The following CPNE8 variants were observed in gnomAD, a reference collection of about 807,000 sequenced individuals.
CPNE8 encodes copine 8, also known as copine-8.
Under a neutral mutation model 81.5 loss-of-function variants are expected in CPNE8, and 45 were observed. The observed-to-expected ratio is 0.55, with a 90% CI of 0.44 to 0.71. CPNE8 has a LOEUF of 0.71. CPNE8 is among the 30% of genes least tolerant of loss of function. The pLI is 0.00. For missense variants in CPNE8, 594 were observed against 672.1 expected (o/e 0.88, Z 1.28); for synonymous variants, 252 against 226.3 (o/e 1.11, Z -1.02).
intron 10 of CPNE8, among the ~76,000 whole-genome samples, chr12:38,738,094 A>G (rs565920279): frequency 1.3e-5 from 2 of 152,172 alleles, no homozygotes; most frequent in African/African-American, 4.8e-5. Flanking sequence ...ACCAGTTTCC[A>G]TGCTTTCTTT....
At chr12:38,808,248 A>G (rs1942860393) in intron 6 of CPNE8, among the ~76,000 whole-genome samples, 2 of 152,288 alleles carry the variant, frequency 1.3e-5, no homozygotes, top group South Asian at 2.1e-4. Context: ...CCATCCTATT[A>G]CTGGTTATAT....
intron 7 of CPNE8, among the ~76,000 whole-genome samples, chr12:38,772,125 C>T (rs575721625): frequency 6.6e-5 from 10 of 152,250 alleles, no homozygotes; most frequent in African/African-American, 2.4e-4. Context: ...TAGGGTGCCC[C>T]TCAGGTGTCC....
chr12:38,897,205 A>G (rs1944400269), intron 1 of CPNE8, among the ~76,000 whole-genome samples: 1 of 152,120 alleles, frequency 6.6e-6, no homozygotes, highest in South Asian at 2.1e-4. Flanking sequence ...CAACATTCTT[A>G]TGGTAATAAA....
At chr12:38,689,350 G>A (rs963284520) in intron 15 of CPNE8, among the ~76,000 whole-genome samples, 3 of 152,184 alleles carry the variant, frequency 2.0e-5, no homozygotes, top group Non-Finnish European at 2.9e-5. Flanking sequence ...TGCTGAGGGT[G>A]TGGATTCATC....
At chr12:38,717,459 A>ATATATATATATAT (rs1565581515) in intron 13 of CPNE8, among the ~76,000 whole-genome samples, 2 of 140,098 alleles carry the variant, frequency 1.4e-5, no homozygotes, top group Non-Finnish European at 3.1e-5. Context: ...ATATATATAT[A>ATATATATATATAT]CACCATGGAA....
chr12:38,899,861 T>G (rs546602136), intron 1 of CPNE8, among the ~76,000 whole-genome samples: 5 of 152,124 alleles, frequency 3.3e-5, no homozygotes, highest in African/African-American at 1.2e-4. Flanking sequence ...CTATGGCTTA[T>G]TTCAAGCTGC....
chr12:38,703,439 C>T (rs1424120936), intron 13 of CPNE8, among the ~76,000 whole-genome samples: 1 of 152,082 alleles, frequency 6.6e-6, no homozygotes, highest in Non-Finnish European at 1.5e-5. Context: ...AGAAGCTAGG[C>T]ATTGAAGGAA....
intron 13 of CPNE8, among the ~76,000 whole-genome samples, chr12:38,707,021 GA>G (rs1940124828): frequency 1.3e-5 from 2 of 152,130 alleles, no homozygotes; most frequent in Admixed American, 6.6e-5. Flanking sequence ...TTAAAAAGAA[GA>G]AGAGAGCAGA....
At chr12:38,855,807 T>C (rs2137070796) in intron 3 of CPNE8, among the ~76,000 whole-genome samples, 1 of 152,204 alleles carries the variant, frequency 6.6e-6, no homozygotes, top group South Asian at 2.1e-4. Context: ...AATGTAAACA[T>C]ATAAAATATC....
chr12:38,663,405 G>A (rs1379245178), intron 19 of CPNE8, among the ~76,000 whole-genome samples: 2 of 152,002 alleles, frequency 1.3e-5, no homozygotes, highest in South Asian at 4.2e-4. Context: ...ATGAGAAAAT[G>A]CTGAAAAATC....
At chr12:38,776,882 CT>C (rs1301377376) in intron 6 of CPNE8, among the ~76,000 whole-genome samples, 1 of 152,106 alleles carries the variant, frequency 6.6e-6, no homozygotes, top group Non-Finnish European at 1.5e-5. Context: ...GCAAACAAAT[CT>C]ACTGTGCTGC....
In CPNE8 at chr12:38,798,369, G is replaced by C. The variant is rs1451475550; in HGVS notation, c.408-22068C>G. ...TGATCTCTCCGCAGAAACTCTACAA[G>C]CCAGAAGACAGTGGGGGCCAATATT... On this transcript the variant is annotated intron_variant, in intron 6 of 19. Transcript: ENST00000331366. 3.3e-5 allele frequency among the ~76,000 whole-genome samples: 5 copies of C among 152,254 alleles called. 1 individual carries two copies. In the East Asian group the frequency reaches 7.7e-4, roughly 24 times the overall value.
chr12:38,780,813 C>G (rs905785445), intron 6 of CPNE8, among the ~76,000 whole-genome samples: 6 of 151,832 alleles, frequency 4.0e-5, no homozygotes, highest in African/African-American at 1.4e-4. Context: ...AGAAATAATG[C>G]ATTTATATTC....
chr12:38,720,015 T>C (rs1444372569), intron 13 of CPNE8, among the ~76,000 whole-genome samples: 1 of 151,978 alleles, frequency 6.6e-6, no homozygotes, highest in Non-Finnish European at 1.5e-5. Context: ...TGAGACAGAG[T>C]CTTGCTGTCG....
intron 1 of CPNE8, among the ~76,000 whole-genome samples, chr12:38,889,947 TA>T (rs1565664484): frequency 2.0e-5 from 3 of 152,200 alleles, no homozygotes; most frequent in African/African-American, 7.2e-5. Context: ...GGAGTGCCCA[TA>T]AGTAGTTCGC....
chr12:38,799,545 C>T (rs570282638), intron 6 of CPNE8, among the ~76,000 whole-genome samples: 2 of 152,124 alleles, frequency 1.3e-5, no homozygotes, highest in East Asian at 3.9e-4. Flanking sequence ...GCATTCAAAG[C>T]AGTGTGTAGA....
chr12:38,768,718 G>T (rs1048255364), intron 7 of CPNE8, among the ~76,000 whole-genome samples: 11 of 151,630 alleles, frequency 7.3e-5, no homozygotes, highest in African/African-American at 4.8e-5. Context: ...TAGCAGAGAC[G>T]GGGTTTCACC....
intron 3 of CPNE8, among the ~76,000 whole-genome samples, chr12:38,867,341 A>T (rs202117834): frequency 0.042 from 3,519 of 82,868 alleles, 32 homozygotes; most frequent in Middle Eastern, 0.1. Context: ...TGTGTGTGTG[A>T]GAGAGAGAGA....
intron 13 of CPNE8, among the ~76,000 whole-genome samples, chr12:38,710,600 G>A (rs768618679): frequency 3.3e-5 from 5 of 152,126 alleles, no homozygotes; most frequent in Non-Finnish European, 5.9e-5. Context: ...GACAAATTTC[G>A]TGAGCAACCC....
Sources: allele counts gnomAD v4.1 joint callset (sites outside exome capture counted in the v4.1 genomes callset), GRCh38; gene constraint gnomAD v4.1.1; transcripts MANE v1.5; gene names NCBI Gene and HGNC (gene_info 2026-07-23, HGNC 2026-07-21).